The following BCAR3 variants were observed in gnomAD, a reference collection of about 807,000 sequenced individuals.
The protein encoded by BCAR3 is BCAR3 adaptor protein, NSP family member.
A neutral mutation model predicts 80.1 loss-of-function variants in BCAR3; 37 were observed. The ratio of observed to expected loss-of-function variants is 0.46; its 90% CI spans 0.36 to 0.61. BCAR3 has a LOEUF of 0.61. Ranked by LOEUF, BCAR3 falls within the 20% of genes least tolerant of loss-of-function variation. BCAR3 has a pLI of 0.00. For synonymous variants in BCAR3, 389 were observed against 418.9 expected (o/e 0.93, Z 0.87); for missense variants, 978 against 1,068.2 (o/e 0.92, Z 1.18).
intron 2 of BCAR3, among the ~76,000 whole-genome samples, chr1:93,836,277 T>C (rs1654763755): frequency 6.6e-6 from 1 of 152,180 alleles, no homozygotes; most frequent in African/African-American, 2.4e-5. Context: ...GGATAGAGCC[T>C]AAAAACTTGC....
intron 2 of BCAR3, among the ~76,000 whole-genome samples, chr1:93,829,408 G>C (rs183201470): frequency 6.6e-6 from 1 of 152,092 alleles, no homozygotes; most frequent in Non-Finnish European, 1.5e-5. Context: ...ATGCCATACT[G>C]AATGTACCTG....
upstream of BCAR3, chr1:93,847,803 G>A (rs113246279): frequency 0.033 from 4,923 of 148,784 alleles, 263 homozygotes; most frequent in African/African-American, 0.11. Flanking sequence ...TTTCTTAAGC[G>A]GCTCGCAGGG....
intron 2 of BCAR3, among the ~76,000 whole-genome samples, chr1:93,738,992 A>C (rs1651089238): frequency 6.6e-6 from 1 of 152,104 alleles, no homozygotes; most frequent in African/African-American, 2.4e-5. Flanking sequence ...GACCCCACCC[A>C]AGCAACTGGT....
At chr1:93,831,221 G>T (rs1219738724) in intron 2 of BCAR3, among the ~76,000 whole-genome samples, 1 of 152,060 alleles carries the variant, frequency 6.6e-6, no homozygotes, top group African/African-American at 2.4e-5. Context: ...ACCTGCTTTG[G>T]CTGCTCACCC....
chr1:93,799,947 G>T (rs1653418349), intron 2 of BCAR3, among the ~76,000 whole-genome samples: 1 of 152,194 alleles, frequency 6.6e-6, no homozygotes, highest in Non-Finnish European at 1.5e-5. Flanking sequence ...AAATAAAGGA[G>T]TGTGTAGGGA....
At chr1:93,747,178 C>T (rs1651387833) in intron 2 of BCAR3, among the ~76,000 whole-genome samples, 1 of 152,166 alleles carries the variant, frequency 6.6e-6, no homozygotes, top group African/African-American at 2.4e-5. Flanking sequence ...TTCCTGCTTC[C>T]CTTGCAGCTA....
intron 3 of BCAR3, among the ~76,000 whole-genome samples, chr1:93,702,389 T>C (rs1649675251): frequency 6.6e-6 from 1 of 152,224 alleles, no homozygotes. Context: ...AACTGTCTCC[T>C]GACTGTTCCC....
At chr1:93,750,766 C>T (rs1308217585) in intron 2 of BCAR3, among the ~76,000 whole-genome samples, 1 of 152,150 alleles carries the variant, frequency 6.6e-6, no homozygotes, top group African/African-American at 2.4e-5. Context: ...CAAGGCCCTC[C>T]CAGGTCAGGC....
chr1:93,676,510 A>G (rs1009748824), intron 1 of BCAR3, among the ~76,000 whole-genome samples: 2 of 152,184 alleles, frequency 1.3e-5, no homozygotes, highest in Admixed American at 6.5e-5. Context: ...TCCACGTCCA[A>G]CTGGGACCAC....
chr1:93,691,820 C>CT lies in BCAR3; in HGVS notation c.-12+14271dup, dbSNP rs566013332. On this transcript the variant is annotated intron_variant, in intron 3 of 13. Transcript: ENST00000370244. The stretch of plus-strand genomic sequence containing the variant: ...ACAGGAAAGACCAAGAGTTCTCAGC[C>CT]TTTTTTCTAATAAGACATGAATATG... 1.1e-4 allele frequency among the ~76,000 whole-genome samples: 16 copies of CT among 152,234 alleles called. 1 individual carries two copies. In the South Asian group the frequency reaches 3.1e-3, roughly 30 times the overall value.
chr1:93,615,426 G>A (rs889683294), intron 3 of BCAR3, among the ~76,000 whole-genome samples: 1 of 152,198 alleles, frequency 6.6e-6, no homozygotes, highest in African/African-American at 2.4e-5. Flanking sequence ...TAAGTGAGGC[G>A]CTATTGCCAC....
At chr1:93,718,411 G>A (rs1650262837) in intron 2 of BCAR3, among the ~76,000 whole-genome samples, 1 of 152,214 alleles carries the variant, frequency 6.6e-6, no homozygotes. Flanking sequence ...TGCAGTGTGA[G>A]GAGCGATGCT....
intron 2 of BCAR3, among the ~76,000 whole-genome samples, chr1:93,768,499 A>C (rs116641679): frequency 0.021 from 3,255 of 152,306 alleles, 43 homozygotes; most frequent in Non-Finnish European, 0.034. Context: ...GGAGGATGCC[A>C]GGAAAAACAC....
chr1:93,787,900 G>A (rs953569627), intron 2 of BCAR3, among the ~76,000 whole-genome samples: 9 of 152,174 alleles, frequency 5.9e-5, no homozygotes, highest in Non-Finnish European at 1.2e-4. Flanking sequence ...GTCTAGTGCT[G>A]TCAGTGGAGT....
intron 2 of BCAR3, among the ~76,000 whole-genome samples, chr1:93,651,565 C>T (rs1676326609): frequency 6.6e-6 from 1 of 152,160 alleles, no homozygotes; most frequent in Non-Finnish European, 1.5e-5. Flanking sequence ...AACTTACAGA[C>T]CACAAAACAG....
chr1:93,673,157 T>C (rs757053455), intron 2 of BCAR3, among the ~76,000 whole-genome samples: 1 of 152,202 alleles, frequency 6.6e-6, no homozygotes, highest in Non-Finnish European at 1.5e-5. Flanking sequence ...CTCCAGCATA[T>C]CACTCCATTT....
At chr1:93,649,716 C>T (rs192826567) in intron 2 of BCAR3, among the ~76,000 whole-genome samples, 40 of 151,946 alleles carry the variant, frequency 2.6e-4, no homozygotes, top group African/African-American at 8.4e-4. Context: ...TGTGATATGA[C>T]GAATAGACCA....
chr1:93,758,600 T>C (rs1271760769), intron 2 of BCAR3, among the ~76,000 whole-genome samples: 3 of 152,158 alleles, frequency 2.0e-5, no homozygotes, highest in South Asian at 2.1e-4. Context: ...CACTTCCTAG[T>C]GTATGTCATT....
rs1188770097 is a variant in BCAR3 at position 93,843,576 on chromosome 1, T to C, written c.-63+1991A>G. ...CACAGGCTGTACTCTTAACTGCTAC[T>C]ACCACAGTTTTTGTTTGTTTGTTTT... is the stretch of plus-strand genomic sequence containing the variant. On this transcript the variant is annotated intron_variant, in intron 2 of 13. Transcript: ENST00000370244. Among the ~76,000 whole-genome samples, 3 of 152,362 alleles carry C rather than the reference T, an allele frequency of 2.0e-5. No homozygotes were observed. In the East Asian group the frequency reaches 5.8e-4, roughly 29 times the overall value.
Sources: allele counts gnomAD v4.1 joint callset (sites outside exome capture counted in the v4.1 genomes callset), GRCh38; gene constraint gnomAD v4.1.1; transcripts MANE v1.5; gene names NCBI Gene and HGNC (gene_info 2026-07-23, HGNC 2026-07-21).